CPEB2: variants seen among roughly 807,000 people sequenced by gnomAD.
CPEB2 encodes the protein cytoplasmic polyadenylation element-binding protein 2.
A neutral mutation model predicts 93.6 loss-of-function variants in CPEB2; 56 were observed. The observed-to-expected ratio is 0.60, with a 90% confidence interval of 0.48 to 0.75. The LOEUF is 0.75. CPEB2 is among the 30% of genes least tolerant of loss of function. The probability of loss-of-function intolerance (pLI) is 0.00; values close to 1 mark genes in which losing one functional copy is unlikely to be tolerated. For missense variants in CPEB2, 1,579 were observed against 1,395.1 expected (o/e 1.13, Z -2.10); for synonymous variants, 764 against 586.3 (o/e 1.30, Z -4.38).
At chr4:15,004,513 C>T (rs1009410104) in intron 1 of CPEB2, among the ~76,000 whole-genome samples, 178 bp downstream of exon 1, 11 of 152,116 alleles carry the variant, frequency 7.2e-5, no homozygotes, top group African/African-American at 2.4e-4. Flanking sequence ...CTCGGAACCC[C>T]AGCCCCCGGT....
Position 15,003,365 on chromosome 4 carries a change from A to G in CPEB2, c.692A>G (p.Gln231Arg). ...CAGCTCGCTCAGCGCCAGCAGCAACAGCCGCCGCAGCAGTTCAGCCTCCTG... is the reference window on the plus strand; with the variant it reads ...CAGCTCGCTCAGCGCCAGCAGCAACGGCCGCCGCAGCAGTTCAGCCTCCTG... ...PAQLAQRQQQ[Q>R]PPQQFSLLHQ... The change falls in exon 1 of 12, where the codon CAG (glutamine) becomes CGG (arginine). Residue 231 changes from glutamine to arginine, a missense_variant. Coordinates refer to ENST00000538197, the MANE Select transcript of CPEB2 (RefSeq NM_001177382.2). 1.4e-6 allele frequency: 2 copies of G among 1,385,710 alleles called. No homozygotes were observed. The highest frequency in any genetic ancestry group is 1.8e-6 in the Non-Finnish European group (2 of 1,082,692). 85.8% of individuals were successfully genotyped at this position (1,385,710 alleles called of 1,614,324 possible). A position where few individuals can be genotyped will look rare whatever the true frequency, so the allele number is the denominator to read the frequency against.
chr4:15,058,497 ACT>A lies in CPEB2; in HGVS notation c.2541_2542del (p.Tyr848SerfsTer5). The A allele has an allele frequency of 6.2e-7, 1 of 1,611,536 alleles. No homozygotes were observed. The highest frequency in any genetic ancestry group is 8.5e-7 in the Non-Finnish European group (1 of 1,177,928). ...IDACIEEDGK[L>X]YLCVSSPTIK... ...ATGCTTGTATTGAAGAAGATGGAAA[ACT>A]CTATCTGTGTGTTTCTAGCCCTACT... On this transcript the variant is annotated frameshift_variant, in exon 9 of 12. Transcript: ENST00000538197. LOFTEE classifies it high-confidence loss of function.
At position 15,012,456 on chromosome 4, in the gene CPEB2, C is replaced by A. The variant is rs1328531982; in HGVS notation, c.2034+4029C>A. Among the ~76,000 whole-genome samples the A allele has an allele frequency of 4.0e-5, 6 of 151,806 alleles. No individual in the cohort carries two copies. The East Asian group carries it at 7.7e-4, about 19-fold the overall frequency. The stretch of plus-strand genomic sequence containing the variant: ...TTCTGTATGTTAGTGTTTTAATTAC[C>A]CTTAGAATATATGGATAAAAAATAC... On this transcript the variant is annotated intron_variant, in intron 3 of 11. Transcript: ENST00000538197.
intron 10 of CPEB2, among the ~76,000 whole-genome samples, chr4:15,059,751 T>G (rs1478025758): frequency 6.6e-6 from 1 of 152,130 alleles, no homozygotes; most frequent in Non-Finnish European, 1.5e-5. Flanking sequence ...TATCAATAAC[T>G]AGGAACCAAA....
intron 4 of CPEB2, among the ~76,000 whole-genome samples, chr4:15,023,668 A>G (rs182855387): frequency 3.2e-4 from 49 of 152,150 alleles, no homozygotes; most frequent in African/African-American, 1.2e-3. Flanking sequence ...TAAGTCTTAT[A>G]TAATGAAAAA....
chr4:15,051,391 A>G (rs1280437204), intron 6 of CPEB2, among the ~76,000 whole-genome samples: 1 of 152,120 alleles, frequency 6.6e-6, no homozygotes, highest in Non-Finnish European at 1.5e-5. Flanking sequence ...AACCTTGACT[A>G]TTCCTTATTT....
chr4:15,023,961 C>T lies in CPEB2; in HGVS notation c.2125+6683C>T, dbSNP rs116721034. 6.9e-3 allele frequency among the ~76,000 whole-genome samples: 1,054 copies of T among 152,046 alleles called. 8 individuals are homozygous for T. Among genetic ancestry groups the T allele is most frequent in the African/African-American group, 0.024 (1,010 of 41,500 alleles). ...AAGGCAAATAATATTCATAGATGAACCTTGTATGTTTTGTACTGTAATGTA... is the reference window on the plus strand; with the variant it reads ...AAGGCAAATAATATTCATAGATGAATCTTGTATGTTTTGTACTGTAATGTA... On this transcript the variant is annotated intron_variant, in intron 4 of 11. Transcript: ENST00000538197.
intron 10 of CPEB2, among the ~76,000 whole-genome samples, chr4:15,061,539 A>T (rs1251094970): frequency 6.6e-6 from 1 of 151,772 alleles, no homozygotes; most frequent in Non-Finnish European, 1.5e-5. Flanking sequence ...GGTTAGAAAA[A>T]GAGTTGAATA....
intron 3 of CPEB2, among the ~76,000 whole-genome samples, chr4:15,016,118 A>T (rs1421073908): frequency 6.6e-6 from 1 of 151,994 alleles, no homozygotes; most frequent in Non-Finnish European, 1.5e-5. Context: ...GGGGGCTTTT[A>T]TTTCCACTTA....
At chr4:15,018,880 A>G (rs1435486247) in intron 4 of CPEB2, among the ~76,000 whole-genome samples, 3 of 148,086 alleles carry the variant, frequency 2.0e-5, no homozygotes, top group Non-Finnish European at 4.5e-5. Flanking sequence ...GTGAAGGGAA[A>G]CGTAAAAAGA....
chr4:15,064,031 T>C (rs530403590), intron 11 of CPEB2, among the ~76,000 whole-genome samples: 2 of 152,132 alleles, frequency 1.3e-5, no homozygotes, highest in East Asian at 3.9e-4. Flanking sequence ...AAAAATTGAA[T>C]AAATATACGT....
In CPEB2 at chr4:15,059,257, G is replaced by A. The variant is rs374594133; in HGVS notation, c.2651G>A (p.Arg884Gln). 6.8e-6 allele frequency: 11 copies of A among 1,613,034 alleles called. No individual in the cohort carries two copies. The highest frequency in any genetic ancestry group is 4.5e-5 in the East Asian group (2 of 44,854). Residue 884 changes from arginine (R) to glutamine (Q), a missense_variant, in exon 10 of 12, where the codon CGA (arginine) becomes CAA (glutamine). By Grantham distance (43) the Arg-to-Gln change is conservative (BLOSUM62 1). Around this residue, in one of 2 missense-constraint regions of CPEB2, gnomAD observed 168 missense variants for 339.1 expected, o/e 0.50. Transcript: ENST00000538197. ...GATGGTTCTCAGCCTTTGGATCCCC[G>A]AAAAACAATTTTTGTTGGAGGTGTT... is the stretch of plus-strand genomic sequence containing the variant. Reference protein sequence around the residue: ...VMDGSQPLDPRKTIFVGGVPR... With the variant: ...VMDGSQPLDPQKTIFVGGVPR...
intron 4 of CPEB2, among the ~76,000 whole-genome samples, chr4:15,020,180 A>G (rs555753898): frequency 1.3e-5 from 2 of 152,186 alleles, no homozygotes; most frequent in South Asian, 2.1e-4. Flanking sequence ...AATGTCTTCT[A>G]TGTCCTAGCC....
rs1462303377 is a variant in CPEB2, at chr4:15,067,387, G to T, written c.*1007G>T. ...GTGGAATTCGATTTTATGCAGACTG[G>T]ATGTAATATTTGTAATCCCTGTGCA... is the stretch of plus-strand genomic sequence containing the variant. On this transcript the variant is annotated 3_prime_UTR_variant, in exon 12 of 12. Coordinates refer to ENST00000538197, the MANE Select transcript of CPEB2 (RefSeq NM_001177382.2). 2.0e-5 allele frequency: 3 copies of T among 152,440 alleles called. No individual in the cohort carries two copies. The highest frequency in any genetic ancestry group is 7.2e-5 in the African/African-American group (3 of 41,416). The allele number at this position is 152,440 out of a possible 1,614,324, so 9.4% of individuals were successfully genotyped here. A position where few individuals can be genotyped will look rare whatever the true frequency, so the allele number is the denominator to read the frequency against.
rs972471637 is a variant in CPEB2, at chr4:15,003,720, C to G, written c.1047C>G (p.His349Gln). 2.3e-6 allele frequency: 3 copies of G among 1,318,742 alleles called. No homozygotes were observed. In the African/African-American group the frequency reaches 4.6e-5, roughly 20 times the overall value. 81.7% of individuals were successfully genotyped at this position (1,318,742 alleles called of 1,614,324 possible). ...FSSLQSPDLPHPGGGGGGGGG... is the reference protein window; with the variant it reads ...FSSLQSPDLPQPGGGGGGGGG... ...GCCTGCAGAGCCCGGACCTTCCACACCCGGGCGGCGGCGGCGGCGGCGGGG... is the reference window on the plus strand; with the variant it reads ...GCCTGCAGAGCCCGGACCTTCCACAGCCGGGCGGCGGCGGCGGCGGCGGGG... The change falls in exon 1 of 12, where the codon CAC becomes CAG. Residue 349 changes from histidine (H) to glutamine (Q), a missense_variant. This residue lies in a region of CPEB2 where 1,411 missense variants were observed against 1,056.0 expected (regional missense o/e 1.34). Transcript: ENST00000538197.
Position 15,004,124 on chromosome 4 carries a change from G to T in CPEB2, c.1451G>T (p.Gly484Val), listed in dbSNP as rs772605889. The change falls in exon 1 of 12, where the codon GGC (glycine) becomes GTC (valine). Residue 484 changes from glycine (G) to valine (V), a missense_variant. Coordinates refer to ENST00000538197, the MANE Select transcript of CPEB2 (RefSeq NM_001177382.2). The stretch of plus-strand genomic sequence containing the variant: ...CTCAGCGTTCCGACGAGCGGCGGCG[G>T]CGGCGGCGGCTTCGGCGGCCCCTTC... Reference protein sequence around the residue: ...TGLSVPTSGGGGGGFGGPFSA... With the variant: ...TGLSVPTSGGVGGGFGGPFSA... The T allele has an allele frequency of 3.1e-5, 47 of 1,536,414 alleles. 2 individuals carry two copies. In the South Asian group the frequency reaches 5.3e-4, roughly 17 times the overall value.
intron 4 of CPEB2, among the ~76,000 whole-genome samples, chr4:15,021,490 C>G (rs555733476): frequency 3.9e-5 from 6 of 152,014 alleles, no homozygotes; most frequent in African/African-American, 1.5e-4. Context: ...CTTCCCTGCC[C>G]CCAACAATTT....
In CPEB2 at chr4:15,004,197, TCAA is replaced by T; in HGVS notation, c.1527_1529del (p.Gln511del). 1.6e-6 allele frequency: 2 copies of T among 1,285,496 alleles called. No homozygotes were observed. Among genetic ancestry groups the T allele is most frequent in the Non-Finnish European group, 1.0e-6 (1 of 997,022 alleles). 79.6% of individuals were successfully genotyped at this position (1,285,496 alleles called of 1,614,324 possible). A position where few individuals can be genotyped will look rare whatever the true frequency, so the allele number is the denominator to read the frequency against. ...CGCCGCCGCCCGCCATGAATATACC[TCAA>T]CAGCAGCCCCCGCCGCCCGCGGCGC... On this transcript the variant is annotated inframe_deletion, in exon 1 of 12. Transcript: ENST00000538197.
Position 15,004,097 on chromosome 4 carries a change from G to A in CPEB2, c.1424G>A (p.Gly475Glu). 6.4e-7 allele frequency: 1 copy of A among 1,560,478 alleles called. No homozygotes were observed. Among genetic ancestry groups the A allele is most frequent in the Non-Finnish European group, 8.6e-7 (1 of 1,157,108 alleles). Reference protein sequence around the residue: ...FSPVSPHGCTGLSVPTSGGGG... With the variant: ...FSPVSPHGCTELSVPTSGGGG... ...CCCGTGTCGCCGCACGGCTGCACTG[G>A]GCTCAGCGTTCCGACGAGCGGCGGC... Residue 475 changes from glycine to glutamate, a missense_variant, in exon 1 of 12, where the codon GGG (glycine) becomes GAG (glutamate). Physicochemically the swap from Gly to Glu is moderately conservative, Grantham distance 98. This residue lies in a region of CPEB2 where 1,411 missense variants were observed against 1,056.0 expected (regional missense o/e 1.34). Coordinates refer to ENST00000538197, the MANE Select transcript of CPEB2 (RefSeq NM_001177382.2).
Sources: allele counts gnomAD v4.1 joint callset (sites outside exome capture counted in the v4.1 genomes callset), GRCh38; gene constraint gnomAD v4.1.1; regional missense constraint gnomAD v4.1.1; transcripts MANE v1.5; gene names NCBI Gene and HGNC (gene_info 2026-07-23, HGNC 2026-07-21).